The following LAMA3 variants were observed in gnomAD, a reference collection of about 807,000 sequenced individuals.
LAMA3 encodes the protein laminin subunit alpha 3.
In LAMA3, 281 loss-of-function variants were observed where a neutral mutation model predicts 402.0. That is an observed-to-expected ratio of 0.70 (90% CI 0.63 to 0.77). The LOEUF (loss-of-function observed/expected upper bound fraction) is 0.77. LAMA3 is among the 30% of genes least tolerant of loss of function. The pLI is 0.00. For synonymous variants in LAMA3, 1,431 were observed against 1,558.4 expected, an observed-to-expected ratio of 0.92 and a Z score of 1.93; for missense variants, 3,840 against 4,215.5, an observed-to-expected ratio of 0.91 and a Z score of 2.47.
At chr18:23,775,989 C>T (rs2062309867) in intron 10 of LAMA3, 66 bp downstream of exon 10, 3 of 1,553,008 alleles carry the variant, frequency 1.9e-6, no homozygotes, top group Non-Finnish European at 2.7e-6. Context: ...GTGCACTAAC[C>T]TCTGAGGCAT....
Position 23,949,640 on chromosome 18 carries a change from G to A in LAMA3, c.9352-125G>A, listed in dbSNP as rs1154242. On this transcript the variant is annotated intron_variant, in intron 70 of 74. Coordinates refer to ENST00000313654, the MANE Select transcript of LAMA3 (RefSeq NM_198129.4). Reference sequence around the variant, plus strand: ...AGTTTGAAGAACCTGACTTGGAAGCGGGAAGAATGAATCCCTACCTACCTT... The same window carrying A: ...AGTTTGAAGAACCTGACTTGGAAGCAGGAAGAATGAATCCCTACCTACCTT... The A allele has an allele frequency of 1, 905,006 of 905,040 alleles. 452,486 individuals are homozygous for A. The highest frequency in any genetic ancestry group is 1 in the Middle Eastern group (3,102 of 3,102). 56.1% of individuals were successfully genotyped at this position (905,040 alleles called of 1,614,324 possible). A position where few individuals can be genotyped will look rare whatever the true frequency, so the allele number is the denominator to read the frequency against.
intron 2 of LAMA3, among the ~76,000 whole-genome samples, chr18:23,720,403 G>C (rs1297875095): frequency 6.6e-6 from 1 of 151,968 alleles, no homozygotes; most frequent in East Asian, 1.9e-4. Flanking sequence ...TCACCAGGCT[G>C]GAGTGCAGTG....
At chr18:23,949,166 T>C (rs1274263810) in intron 70 of LAMA3, among the ~76,000 whole-genome samples, 1 of 152,206 alleles carries the variant, frequency 6.6e-6, no homozygotes, top group Non-Finnish European at 1.5e-5. Flanking sequence ...AAGCCCACTG[T>C]CAATGCACAC....
chr18:23,691,831 C>CA (rs575518113), intron 1 of LAMA3, among the ~76,000 whole-genome samples: 214 of 152,318 alleles, frequency 1.4e-3, no homozygotes, highest in African/African-American at 5.0e-3. Flanking sequence ...CTTGGCCTCC[C>CA]AAAGTGCTGG....
At chr18:23,877,533 G>A (rs1021445461) in intron 39 of LAMA3, among the ~76,000 whole-genome samples, 9 of 152,126 alleles carry the variant, frequency 5.9e-5, no homozygotes, top group African/African-American at 1.7e-4. Context: ...TCTTTGTATT[G>A]TGTAATGCAA....
At position 23,836,515 on chromosome 18, in the gene LAMA3, A is replaced by G. The variant is rs146888239; in HGVS notation, c.2985-466A>G. ...CCACAGGTAGAAATGAAGAAGGAAG[A>G]AGGAGGAGAACCAGACTGAGTTTCA... On this transcript the variant is annotated intron_variant, in intron 24 of 74. Transcript: ENST00000313654. Among the ~76,000 whole-genome samples the G allele has an allele frequency of 1.1e-4, 16 of 152,330 alleles. 1 individual carries two copies. Among genetic ancestry groups the G allele is most frequent in the Non-Finnish European group, 1.6e-4 (11 of 68,018 alleles).
chr18:23,826,985 C>A (rs192193460), intron 22 of LAMA3, among the ~76,000 whole-genome samples, 186 bp downstream of exon 22: 1 of 152,190 alleles, frequency 6.6e-6, no homozygotes, highest in Non-Finnish European at 1.5e-5. Context: ...CTTTGCACAC[C>A]ATAGCTGGCT....
At chr18:23,838,279 C>G (rs761824714) in intron 25 of LAMA3, among the ~76,000 whole-genome samples, 18 of 152,164 alleles carry the variant, frequency 1.2e-4, no homozygotes, top group Non-Finnish European at 2.2e-4. Context: ...GACTCAAAAA[C>G]TAGCTCTGGA....
At chr18:23,692,547 C>T (rs1049406941) in intron 1 of LAMA3, among the ~76,000 whole-genome samples, 3 of 152,198 alleles carry the variant, frequency 2.0e-5, no homozygotes, top group African/African-American at 7.2e-5. Flanking sequence ...GCTAGGATTA[C>T]AGGCATGAGC....
intron 51 of LAMA3, 120 bp downstream of exon 51, chr18:23,904,814 T>C: frequency 8.9e-7 from 1 of 1,119,782 alleles, no homozygotes; most frequent in Non-Finnish European, 1.3e-6. Context: ...GAACTTGTTG[T>C]ATAGAATAGA....
At chr18:23,848,267 C>G (rs531604933) in intron 32 of LAMA3, among the ~76,000 whole-genome samples, 18 of 152,226 alleles carry the variant, frequency 1.2e-4, no homozygotes, top group African/African-American at 4.1e-4. Flanking sequence ...CTCAGAGGAT[C>G]GCTGAGCAGT....
At chr18:23,914,017 G>A (rs1184397637) in intron 56 of LAMA3, among the ~76,000 whole-genome samples, 1 of 152,186 alleles carries the variant, frequency 6.6e-6, no homozygotes, top group African/African-American at 2.4e-5. Context: ...TAACATAGAG[G>A]TGTGACAACA....
intron 24 of LAMA3, among the ~76,000 whole-genome samples, chr18:23,835,876 C>A (rs149211147): frequency 6.6e-5 from 10 of 152,184 alleles, no homozygotes; most frequent in African/African-American, 2.4e-4. Context: ...AAAATCCCAG[C>A]AGAATAGCAG....
intron 59 of LAMA3, among the ~76,000 whole-genome samples, chr18:23,915,904 G>T (rs1346967973): frequency 6.7e-6 from 1 of 150,208 alleles, no homozygotes; most frequent in Admixed American, 6.7e-5. Context: ...CTCTTGGAAG[G>T]CTGAGGCACA....
At chr18:23,815,103 T>TGTGTTGCAGCTGTGTA (rs2063149942) in intron 15 of LAMA3, 85 bp from the exon 16 acceptor site, 13 of 1,186,188 alleles carry the variant, frequency 1.1e-5, no homozygotes, top group Non-Finnish European at 1.3e-5. Flanking sequence ...CTGCACACGT[T>TGTGTTGCAGCTGTGTA]GTGTTGCAGC....
At chr18:23,860,682 C>G (rs1361410960) in intron 34 of LAMA3, among the ~76,000 whole-genome samples, 1 of 143,174 alleles carries the variant, frequency 7.0e-6, no homozygotes, top group East Asian at 2.0e-4. Context: ...CCAACAAGTA[C>G]TCAAAAAAAG....
chr18:23,932,771 T>G (rs76124274), intron 66 of LAMA3, among the ~76,000 whole-genome samples: 1,741 of 152,194 alleles, frequency 0.011, 35 homozygotes, highest in African/African-American at 0.04. Flanking sequence ...TGATACAAAA[T>G]TATTGTTTTT....
At chr18:23,773,653 A>C (rs2062251347) in intron 9 of LAMA3, 66 bp downstream of exon 9, 6 of 1,027,204 alleles carry the variant, frequency 5.8e-6, no homozygotes, top group Non-Finnish European at 9.0e-6. Context: ...TCATCAGGCT[A>C]ACTTTGGATC....
intron 1 of LAMA3, among the ~76,000 whole-genome samples, chr18:23,702,105 T>C (rs962719760): frequency 6.6e-6 from 1 of 151,848 alleles, no homozygotes; most frequent in African/African-American, 2.4e-5. Flanking sequence ...GTACAGATGT[T>C]GTGAGGTTTG....
Sources: allele counts gnomAD v4.1 joint callset (sites outside exome capture counted in the v4.1 genomes callset), GRCh38; gene constraint gnomAD v4.1.1; transcripts MANE v1.5; gene names NCBI Gene and HGNC (gene_info 2026-07-23, HGNC 2026-07-21).